Variants in BMPR1B observed in about 807,000 individuals in gnomAD.
The protein encoded by BMPR1B is bone morphogenetic protein receptor type-1B.
Under a neutral mutation model 59.1 loss-of-function variants are expected in BMPR1B, and 12 were observed. The observed-to-expected ratio is 0.20, with a 90% CI of 0.13 to 0.33. The LOEUF (loss-of-function observed/expected upper bound fraction) is 0.33, where lower values mean the gene tolerates loss of function less well. Ranked by LOEUF, BMPR1B falls within the 10% of genes least tolerant of loss-of-function variation. BMPR1B has a pLI of 1.00. For missense variants in BMPR1B, 550 were observed against 610.9 expected (o/e 0.90, Z 1.05); for synonymous variants, 237 against 207.3 (o/e 1.14, Z -1.23).
chr4:94,990,965 T>C (rs1355746335), intron 2 of BMPR1B, among the ~76,000 whole-genome samples: 1 of 152,246 alleles, frequency 6.6e-6, no homozygotes, highest in Non-Finnish European at 1.5e-5. Context: ...CTTTTTCTTT[T>C]GTAATAACTG....
intron 1 of BMPR1B, among the ~76,000 whole-genome samples, chr4:94,811,537 G>T (rs896966380): frequency 6.6e-6 from 1 of 151,998 alleles, no homozygotes. Flanking sequence ...TTGCATTTGT[G>T]AATAAAATGA....
chr4:94,992,599 G>A (rs1191342917), intron 2 of BMPR1B, among the ~76,000 whole-genome samples: 1 of 152,176 alleles, frequency 6.6e-6, no homozygotes, highest in Non-Finnish European at 1.5e-5. Flanking sequence ...CTTTTGGACA[G>A]TCCTTGATAA....
At chr4:94,762,462 C>T (rs998020307) in intron 1 of BMPR1B, among the ~76,000 whole-genome samples, 3 of 152,144 alleles carry the variant, frequency 2.0e-5, no homozygotes, top group African/African-American at 7.2e-5. Flanking sequence ...CCGTGAAGAT[C>T]TGAAAGAACT....
chr4:95,045,450 A>G (rs910987514), intron 3 of BMPR1B, among the ~76,000 whole-genome samples: 3 of 152,078 alleles, frequency 2.0e-5, no homozygotes, highest in Non-Finnish European at 4.4e-5. Context: ...TCCCCAGTCT[A>G]CTTTTCCAGC....
At chr4:95,031,440 G>A (rs1724847070) in intron 3 of BMPR1B, among the ~76,000 whole-genome samples, 1 of 152,060 alleles carries the variant, frequency 6.6e-6, no homozygotes, top group African/African-American at 2.4e-5. Flanking sequence ...AGAATATTAT[G>A]GATGGATTGC....
At chr4:94,776,485 C>G (rs1172024612) in intron 1 of BMPR1B, among the ~76,000 whole-genome samples, 1 of 152,170 alleles carries the variant, frequency 6.6e-6, no homozygotes, top group African/African-American at 2.4e-5. Context: ...ACATAATAAA[C>G]ACGAAGTACT....
intron 3 of BMPR1B, among the ~76,000 whole-genome samples, chr4:95,022,055 G>A (rs939422948): frequency 2.0e-5 from 3 of 152,146 alleles, no homozygotes; most frequent in Non-Finnish European, 2.9e-5. Context: ...TAGGACGGGC[G>A]CAGTGGCTAG....
intron 1 of BMPR1B, among the ~76,000 whole-genome samples, chr4:94,765,297 A>G (rs753559820): frequency 6.6e-6 from 1 of 152,216 alleles, no homozygotes; most frequent in African/African-American, 2.4e-5. Flanking sequence ...AATGAAAATA[A>G]GATCATCTGT....
chr4:94,926,056 TC>T (rs112926290), intron 2 of BMPR1B, among the ~76,000 whole-genome samples: 5 of 40,152 alleles, frequency 1.2e-4, no homozygotes, highest in Non-Finnish European at 2.6e-4. Context: ...CTACCCTCCC[TC>T]CCCCCCAATC....
rs892546636 is a variant in BMPR1B, at chr4:94,936,987, C to T, written c.-112-59053C>T. 9.2e-5 allele frequency among the ~76,000 whole-genome samples: 14 copies of T among 152,070 alleles called. No individual in the cohort carries two copies. The South Asian group carries it at 2.7e-3, about 29-fold the overall frequency. On this transcript the variant is annotated intron_variant, in intron 2 of 12. Transcript: ENST00000515059. ...AGCCTATCACTGTCTCTGCAGTGACCCCCAGTGCCTCCAGGACTGGAGGAA... is the reference window on the plus strand; with the variant it reads ...AGCCTATCACTGTCTCTGCAGTGACTCCCAGTGCCTCCAGGACTGGAGGAA...
At chr4:94,991,913 C>T (rs10009874) in intron 2 of BMPR1B, among the ~76,000 whole-genome samples, 4,346 of 152,240 alleles carry the variant, frequency 0.029, 197 homozygotes, top group African/African-American at 0.097. Flanking sequence ...AAACTACTTA[C>T]TGAATTGATG....
At chr4:94,842,333 T>G (rs1277436337) in intron 1 of BMPR1B, among the ~76,000 whole-genome samples, 1 of 152,188 alleles carries the variant, frequency 6.6e-6, no homozygotes, top group Non-Finnish European at 1.5e-5. Context: ...ACTGGAGTTT[T>G]TATGAAAACT....
At chr4:95,041,768 T>C (rs547136276) in intron 3 of BMPR1B, among the ~76,000 whole-genome samples, 1 of 152,198 alleles carries the variant, frequency 6.6e-6, no homozygotes, top group African/African-American at 2.4e-5. Flanking sequence ...GGGAATGATA[T>C]TTCCTCCCGC....
intron 2 of BMPR1B, among the ~76,000 whole-genome samples, chr4:94,966,325 G>A (rs938700158): frequency 6.6e-6 from 1 of 152,070 alleles, no homozygotes; most frequent in Non-Finnish European, 1.5e-5. Context: ...TATTTAAATT[G>A]TAAAATGTTT....
At chr4:94,919,077 T>G (rs144144559) in intron 2 of BMPR1B, among the ~76,000 whole-genome samples, 1 of 152,134 alleles carries the variant, frequency 6.6e-6, no homozygotes, top group Non-Finnish European at 1.5e-5. Flanking sequence ...TCTTATAACG[T>G]GATGCATCAT....
intron 1 of BMPR1B, among the ~76,000 whole-genome samples, chr4:94,860,814 A>G (rs575628192): frequency 5.4e-4 from 72 of 132,942 alleles, no homozygotes; most frequent in Non-Finnish European, 9.6e-4. Flanking sequence ...AAAACCTTTT[A>G]TATGTCTTTT....
intron 3 of BMPR1B, among the ~76,000 whole-genome samples, chr4:95,052,921 A>G (rs967427963): frequency 2.2e-4 from 34 of 152,188 alleles, no homozygotes; most frequent in African/African-American, 8.0e-4. Context: ...TGTTCCAGGA[A>G]GCTCGAAGCA....
At chr4:95,070,911 CTCTT>C (rs1167309654) in intron 3 of BMPR1B, among the ~76,000 whole-genome samples, 1 of 152,118 alleles carries the variant, frequency 6.6e-6, no homozygotes, top group African/African-American at 2.4e-5. Flanking sequence ...TAGCCTCAAA[CTCTT>C]TATTTTGCTT....
chr4:94,949,863 C>T (rs191283206), intron 2 of BMPR1B, among the ~76,000 whole-genome samples: 28 of 152,198 alleles, frequency 1.8e-4, no homozygotes, highest in Admixed American at 8.5e-4. Context: ...GAGGAATTGC[C>T]ACATTGTCTT....
Sources: gnomAD v4.1 joint callset for allele counts (sites outside exome capture counted in the v4.1 genomes callset) on GRCh38, gnomAD v4.1.1 for gene constraint, MANE v1.5 for transcripts, NCBI Gene and HGNC (gene_info 2026-07-23, HGNC 2026-07-21) for gene names.